Variants in KCNK2 observed in about 807,000 individuals in gnomAD.
KCNK2 encodes potassium channel subfamily K member 2.
KCNK2 carries 21 observed loss-of-function variants against 40.5 expected under a neutral mutation model. That is an observed-to-expected ratio of 0.52 (90% CI 0.37 to 0.75). The LOEUF (loss-of-function observed/expected upper bound fraction) is 0.75. KCNK2 is among the 30% of genes least tolerant of loss of function. The probability of loss-of-function intolerance (pLI) is 0.00; values close to 1 mark genes in which losing one functional copy is unlikely to be tolerated. For missense variants in KCNK2, 399 were observed against 531.6 expected (o/e 0.75, Z 2.45); for synonymous variants, 191 against 202.2 (o/e 0.94, Z 0.47).
chr1:215,085,409 T>C (rs1268367744), intron 1 of KCNK2, among the ~76,000 whole-genome samples: 1 of 152,200 alleles, frequency 6.6e-6, no homozygotes, highest in Non-Finnish European at 1.5e-5. Flanking sequence ...ATCTCTTATA[T>C]TTTTGAAAAA....
At chr1:215,132,294 G>A (rs1661711039) in intron 3 of KCNK2, among the ~76,000 whole-genome samples, 1 of 152,170 alleles carries the variant, frequency 6.6e-6, no homozygotes, top group South Asian at 2.1e-4. Context: ...GCAGTGGTGT[G>A]GAATTTGTCA....
rs147498854 is a variant in KCNK2, at chr1:215,107,822, A to C, written c.358-16811A>C. 1.8e-3 allele frequency among the ~76,000 whole-genome samples: 271 copies of C among 152,278 alleles called. 1 individual carries two copies. Among genetic ancestry groups the C allele is most frequent in the African/African-American group, 6.1e-3 (252 of 41,570 alleles). ...ATTCAACAAACCACAGATGAAAAATATTTGAAAAACAATAGTACAGCAATA... is the reference window on the plus strand; with the variant it reads ...ATTCAACAAACCACAGATGAAAAATCTTTGAAAAACAATAGTACAGCAATA... On this transcript the variant is annotated intron_variant, in intron 2 of 6. Coordinates refer to ENST00000444842, the MANE Select transcript of KCNK2 (RefSeq NM_001017425.3).
chr1:215,114,325 C>T (rs1571628191), intron 2 of KCNK2, among the ~76,000 whole-genome samples: 2 of 152,058 alleles, frequency 1.3e-5, no homozygotes, highest in South Asian at 4.1e-4. Context: ...TCATTTTCAG[C>T]GCTGATGGTT....
At chr1:215,075,381 G>A (rs961750914) in intron 1 of KCNK2, among the ~76,000 whole-genome samples, 4 of 152,078 alleles carry the variant, frequency 2.6e-5, no homozygotes, top group African/African-American at 4.8e-5. Context: ...AAATTTCAGG[G>A]TGAGGCACTT....
intron 1 of KCNK2, among the ~76,000 whole-genome samples, chr1:215,050,120 T>A (rs1313550385): frequency 1.3e-5 from 2 of 152,162 alleles, no homozygotes; most frequent in Admixed American, 1.3e-4. Context: ...CTATGTTGAG[T>A]CTTCTAACCC....
intron 1 of KCNK2, among the ~76,000 whole-genome samples, chr1:215,018,922 G>T (rs1656687240): frequency 6.6e-6 from 1 of 152,066 alleles, no homozygotes; most frequent in Admixed American, 6.5e-5. Flanking sequence ...CAGGGCCACT[G>T]CAGGTGAGAG....
At chr1:215,080,791 G>C (rs959678930), upstream of KCNK2, among the ~76,000 whole-genome samples, 5 of 152,204 alleles carry the variant, frequency 3.3e-5, no homozygotes, top group African/African-American at 1.2e-4. Context: ...GAGATTTGCA[G>C]GGTAACACCT....
rs550474592 is a variant in KCNK2 at position 215,221,109 on chromosome 1, C to A, written c.964-13719C>A. 5.9e-5 allele frequency among the ~76,000 whole-genome samples: 9 copies of A among 152,366 alleles called. No homozygotes were observed. In the South Asian group the frequency reaches 1.9e-3, roughly 32 times the overall value. ...ACTTGGCTGGGCGCAGTGGCTCACA[C>A]CTGTAATCCCAGCACTTTGAGAGGC... On this transcript the variant is annotated intron_variant, in intron 6 of 6. Transcript: ENST00000444842.
chr1:215,120,002 C>G (rs1309791294), intron 2 of KCNK2, among the ~76,000 whole-genome samples: 1 of 152,090 alleles, frequency 6.6e-6, no homozygotes, highest in Non-Finnish European at 1.5e-5. Context: ...ACAAAATAGA[C>G]TTACAAGAAT....
At chr1:215,079,576 C>T (rs113859443), upstream of KCNK2, among the ~76,000 whole-genome samples, 1,134 of 152,278 alleles carry the variant, frequency 7.4e-3, 13 homozygotes, top group African/African-American at 0.026. Context: ...GCAAGGGGAA[C>T]GTCTGGCCCC....
At chr1:215,103,157 G>A (rs893006878) in intron 2 of KCNK2, among the ~76,000 whole-genome samples, 1 of 151,934 alleles carries the variant, frequency 6.6e-6, no homozygotes, top group Non-Finnish European at 1.5e-5. Context: ...GGTAATGTGT[G>A]TATCTCTGGG....
At chr1:215,116,326 A>AT (rs956172141) in intron 2 of KCNK2, among the ~76,000 whole-genome samples, 1 of 151,840 alleles carries the variant, frequency 6.6e-6, no homozygotes, top group Non-Finnish European at 1.5e-5. Flanking sequence ...ACCGTGACTG[A>AT]TTTTTTTTCT....
chr1:215,128,310 C>T (rs1454513900), intron 3 of KCNK2, among the ~76,000 whole-genome samples: 1 of 152,116 alleles, frequency 6.6e-6, no homozygotes, highest in Non-Finnish European at 1.5e-5. Flanking sequence ...TGGCTACTGC[C>T]ATTTATCTAG....
intron 1 of KCNK2, among the ~76,000 whole-genome samples, chr1:215,008,671 G>A (rs532011611): frequency 2.6e-5 from 4 of 152,246 alleles, no homozygotes; most frequent in South Asian, 4.1e-4. Flanking sequence ...GGGCTTTAGA[G>A]ACCTTTCTAA....
chr1:215,082,427 G>T (rs751203707), upstream of KCNK2, among the ~76,000 whole-genome samples: 10 of 152,168 alleles, frequency 6.6e-5, no homozygotes, highest in Non-Finnish European at 1.2e-4. Flanking sequence ...CCCACACCCG[G>T]TCCCACACCC....
chr1:215,125,334 C>T (rs1661369855), intron 3 of KCNK2, among the ~76,000 whole-genome samples: 1 of 151,986 alleles, frequency 6.6e-6, no homozygotes, highest in South Asian at 2.1e-4. Context: ...ACCTTTTAAT[C>T]GCATTGTTTG....
In KCNK2 at chr1:215,138,326, C is replaced by G. The variant is rs2102597782; in HGVS notation, c.475+13576C>G. On this transcript the variant is annotated intron_variant, in intron 3 of 6. Coordinates refer to ENST00000444842, the MANE Select transcript of KCNK2 (RefSeq NM_001017425.3). ...ATACAAAATGTTACATTTAAGAAAACTAGAGTGCTACCAATCTCAAGCCAT... is the reference window on the plus strand; with the variant it reads ...ATACAAAATGTTACATTTAAGAAAAGTAGAGTGCTACCAATCTCAAGCCAT... 1.3e-5 allele frequency among the ~76,000 whole-genome samples: 2 copies of G among 152,176 alleles called. 1 individual carries two copies. The highest frequency in any genetic ancestry group is 4.1e-4 in the South Asian group (2 of 4,824).
At chr1:215,168,186 T>C (rs1663536673) in intron 3 of KCNK2, among the ~76,000 whole-genome samples, 1 of 152,124 alleles carries the variant, frequency 6.6e-6, no homozygotes, top group African/African-American at 2.4e-5. Flanking sequence ...CTAGTCAGAA[T>C]GGCGATTAGT....
At chr1:215,042,186 A>G (rs910681445) in intron 1 of KCNK2, among the ~76,000 whole-genome samples, 14 of 152,342 alleles carry the variant, frequency 9.2e-5, no homozygotes, top group African/African-American at 2.9e-4. Context: ...TATAAGCTGT[A>G]TGCTAAGCAA....
Sources: allele counts gnomAD v4.1 joint callset (sites outside exome capture counted in the v4.1 genomes callset), GRCh38; gene constraint gnomAD v4.1.1; transcripts MANE v1.5; gene names NCBI Gene and HGNC (gene_info 2026-07-23, HGNC 2026-07-21).